CEP131: variants seen among roughly 807,000 people sequenced by gnomAD.
CEP131 encodes the protein centrosomal protein 131.
In CEP131, 99 loss-of-function variants were observed where a neutral mutation model predicts 136.8. The observed-to-expected ratio is 0.72, with a 90% confidence interval of 0.62 to 0.86. The LOEUF is 0.86. Among genes scored for constraint, CEP131 ranks in the 40% least tolerant of loss-of-function variants. The probability of loss-of-function intolerance (pLI) is 0.00; values close to 1 mark genes in which losing one functional copy is unlikely to be tolerated. For missense variants in CEP131, 1,459 were observed against 1,463.0 expected, an observed-to-expected ratio of 1.00 and a Z score of 0.04; for synonymous variants, 646 against 612.7, an observed-to-expected ratio of 1.05 and a Z score of -0.80.
chr17:81,193,991 C>T lies in CEP131; in HGVS notation c.2256G>A (p.Leu752=). Residue 752 remains leucine (L), a synonymous_variant, in exon 18 of 26, where the codon CTG becomes CTA. Coordinates refer to ENST00000450824, the MANE Select transcript of CEP131 (RefSeq NM_014984.4). ...CCTTCTCCCGCTCCAGCTGCTCCCGCAGCTCCTCGGCCTGGCGCAGGCAGC... is the reference window on the plus strand; with the variant it reads ...CCTTCTCCCGCTCCAGCTGCTCCCGTAGCTCCTCGGCCTGGCGCAGGCAGC... The part of the protein sequence containing the change: ...SQRCLRQAEE[L]REQLEREKEA... 1 of 1,553,356 alleles carries T rather than the reference C, an allele frequency of 6.4e-7. No individual in the cohort carries two copies. Among genetic ancestry groups the T allele is most frequent in the Non-Finnish European group, 8.7e-7 (1 of 1,150,014 alleles).
At chr17:81,192,057 G>A (rs2279918) in intron 21 of CEP131, among the ~76,000 whole-genome samples, 2,499 of 152,204 alleles carry the variant, frequency 0.016, 35 homozygotes, top group East Asian at 0.08. Context: ...AGCCCCTAGC[G>A]AGAGGGGCAA....
chr17:81,196,115 G>A (rs976756356), intron 15 of CEP131, among the ~76,000 whole-genome samples, 164 bp from the exon 16 acceptor site: 1 of 152,126 alleles, frequency 6.6e-6, no homozygotes, highest in African/African-American at 2.4e-5. Flanking sequence ...GGGGGGGCAC[G>A]TGTGCAAACA....
rs374826376 is a variant in CEP131, at chr17:81,191,330, C to T, written c.2628G>A (p.Ala876=). The change falls in exon 22 of 26, where the codon GCG becomes GCA. Residue 876 remains alanine (A), a synonymous_variant. Coordinates refer to ENST00000450824, the MANE Select transcript of CEP131 (RefSeq NM_014984.4). ...WEAGRTRKEE[A]WLLNREQELR... is the part of the protein sequence containing the mutation. ...GCTCCTGTTCCCGGTTCAGCAGCCA[C>T]GCCTCCTGGGGGGACATGCGCTGCC... 4.2e-4 allele frequency: 685 copies of T among 1,613,076 alleles called. 7 individuals are homozygous for T. The South Asian group carries it at 6.7e-3, about 16-fold the overall frequency.
chr17:81,218,602 C>A (rs927936152), intron 2 of CEP131, among the ~76,000 whole-genome samples: 1 of 152,268 alleles, frequency 6.6e-6, no homozygotes, highest in Non-Finnish European at 1.5e-5. Context: ...AGACAACCTG[C>A]CGGCCACAAT....
Position 81,199,479 on chromosome 17 carries a change from G to A in CEP131, c.1094C>T (p.Pro365Leu). ...CATTCCTGGCACTCTGGTCTCCCTG[G>A]GATTCTCAGGTGGCCCACGCTCGGC... is the stretch of plus-strand genomic sequence containing the variant. ...STAERGPPEN[P>L]RETRVPGMRQ... The change falls in exon 10 of 26, where the codon CCC (proline) becomes CTC (leucine). Residue 365 changes from proline (P) to leucine (L), a missense_variant. Transcript: ENST00000450824. The A allele has an allele frequency of 6.2e-7, 1 of 1,609,484 alleles. No individual in the cohort carries two copies. The highest frequency in any genetic ancestry group is 8.5e-7 in the Non-Finnish European group (1 of 1,178,708).
At chr17:81,220,338 T>A (rs1598332553) in intron 1 of CEP131, among the ~76,000 whole-genome samples, 1 of 151,936 alleles carries the variant, frequency 6.6e-6, no homozygotes, top group African/African-American at 2.4e-5. Context: ...GGCCCGTGGG[T>A]GGGAATAAGC....
chr17:81,218,416 G>A (rs2062304335), intron 2 of CEP131, among the ~76,000 whole-genome samples: 1 of 152,246 alleles, frequency 6.6e-6, no homozygotes, highest in Non-Finnish European at 1.5e-5. Context: ...CAGCGGGAGG[G>A]GCCAAGGCAG....
chr17:81,197,445 C>G, intron 13 of CEP131: 1 of 558,028 alleles, frequency 1.8e-6, no homozygotes, highest in Non-Finnish European at 3.1e-6. Flanking sequence ...GGAGGCAGCT[C>G]GGGGCAGCGG....
chr17:81,205,579 G>A (rs891191776), intron 5 of CEP131, among the ~76,000 whole-genome samples: 5 of 151,908 alleles, frequency 3.3e-5, no homozygotes, highest in African/African-American at 1.2e-4. Context: ...GGCTGTGTAT[G>A]AACATATAAC....
chr17:81,200,279 G>C (rs756771183), intron 8 of CEP131, 50 bp downstream of exon 8: 2 of 1,442,570 alleles, frequency 1.4e-6, no homozygotes, highest in Admixed American at 3.9e-5. Context: ...CTGGGATTCT[G>C]GGCCAGACCC....
At chr17:81,217,110 G>C (rs148128385) in intron 2 of CEP131, among the ~76,000 whole-genome samples, 1 of 152,168 alleles carries the variant, frequency 6.6e-6, no homozygotes, top group East Asian at 1.9e-4. Context: ...TGTGCTCTTG[G>C]GATTTAAAGA....
chr17:81,200,357 A>G lies in CEP131; in HGVS notation c.878T>C (p.Leu293Pro). The G allele has an allele frequency of 6.3e-7, 1 of 1,592,920 alleles. No individual in the cohort carries two copies. Among genetic ancestry groups the G allele is most frequent in the Non-Finnish European group, 8.5e-7 (1 of 1,170,276 alleles). ...CCGCTTGGCCTGAAGCAAGTGCTCCAGGCGGGCAGCTCCTGCTCCGCGCCG... is the reference window on the plus strand; with the variant it reads ...CCGCTTGGCCTGAAGCAAGTGCTCCGGGCGGGCAGCTCCTGCTCCGCGCCG... ...VQRRGAGAAR[L>P]EHLLQAKREE... is the part of the protein sequence containing the mutation. The change falls in exon 8 of 26, where the codon CTG becomes CCG. Residue 293 changes from leucine to proline, a missense_variant. Physicochemically the swap from Leu to Pro is moderately conservative, Grantham distance 98 (BLOSUM62 -3). Around this residue, in one of 3 missense-constraint regions of CEP131, gnomAD observed 246 missense variants for 318.9 expected, o/e 0.77. Coordinates refer to ENST00000450824, the MANE Select transcript of CEP131 (RefSeq NM_014984.4).
intron 6 of CEP131, 91 bp from the exon 7 acceptor site, chr17:81,202,489 G>A: frequency 6.8e-7 from 1 of 1,473,940 alleles, no homozygotes; most frequent in Non-Finnish European, 9.2e-7. Flanking sequence ...GAAGTCCCAG[G>A]ACTGAGCCTG....
At chr17:81,209,317 C>T (rs1197915521) in intron 2 of CEP131, among the ~76,000 whole-genome samples, 4 of 152,254 alleles carry the variant, frequency 2.6e-5, no homozygotes, top group Non-Finnish European at 4.4e-5. Flanking sequence ...CACTGTCACC[C>T]ACCAGCTCCC....
intron 2 of CEP131, among the ~76,000 whole-genome samples, chr17:81,212,708 AGGGACAGCAGACGAT>A (rs541070977): frequency 1.8e-3 from 268 of 152,312 alleles, no homozygotes; most frequent in African/African-American, 6.0e-3. Flanking sequence ...GAGCTAAACC[AGGGACAGCAGACGAT>A]GGGGCCGCAT....
In CEP131 at chr17:81,215,956, C is replaced by T. The variant is rs1403495760; in HGVS notation, c.177+3924G>A. On this transcript the variant is annotated intron_variant, in intron 2 of 25. Transcript: ENST00000450824. The surrounding 1 kb of genome is among the most constrained non-coding windows in gnomAD (Gnocchi z 4.1). The stretch of plus-strand genomic sequence containing the variant: ...AAAGCGGGAGCAGGGTCAGGTGCAG[C>T]GGCCCACACCCGTAATCCCAGCACT... Among the ~76,000 whole-genome samples the T allele has an allele frequency of 3.9e-5, 6 of 152,202 alleles. No individual in the cohort carries two copies. In the South Asian group the frequency reaches 1.0e-3, roughly 26 times the overall value.
intron 2 of CEP131, among the ~76,000 whole-genome samples, chr17:81,218,289 C>T (rs527910679): frequency 1.0e-3 from 159 of 152,316 alleles, no homozygotes; most frequent in African/African-American, 2.9e-3. Context: ...GTGATCCACC[C>T]GCCTCAACCT....
chr17:81,190,941 C>G lies in CEP131; in HGVS notation c.2909G>C (p.Arg970Pro), dbSNP rs769203913. 6.2e-7 allele frequency: 1 copy of G among 1,604,692 alleles called. No individual in the cohort carries two copies. Among genetic ancestry groups the G allele is most frequent in the African/African-American group, 1.3e-5 (1 of 74,934 alleles). Residue 970 changes from arginine (R) to proline (P), a missense_variant, in exon 23 of 26, where the codon CGG becomes CCG. Around this residue, in one of 3 missense-constraint regions of CEP131, gnomAD observed 1,026 missense variants for 964.2 expected, o/e 1.06. Coordinates refer to ENST00000450824, the MANE Select transcript of CEP131 (RefSeq NM_014984.4). ...GENLRLQGLV[R>P]QKERALEDAQ... The stretch of plus-strand genomic sequence containing the variant: ...ATCCTCCAGCGCCCGCTCCTTCTGC[C>G]GCACAAGGCCCTGCAGACGCAGATT...
chr17:81,220,744 G>A (rs1598333381), intron 1 of CEP131, among the ~76,000 whole-genome samples: 2 of 151,874 alleles, frequency 1.3e-5, no homozygotes, highest in South Asian at 4.1e-4. Flanking sequence ...CAGGTGATTC[G>A]CCTGCCTCGG....
Sources: allele counts gnomAD v4.1 joint callset (sites outside exome capture counted in the v4.1 genomes callset), GRCh38; gene constraint gnomAD v4.1.1; regional missense constraint gnomAD v4.1.1; non-coding constraint Gnocchi (gnomAD v3.1); transcripts MANE v1.5; gene names NCBI Gene and HGNC (gene_info 2026-07-23, HGNC 2026-07-21).